DNAH11: variants seen among roughly 807,000 people sequenced by gnomAD.
DNAH11 encodes the protein axonemal beta dynein heavy chain 11.
A neutral mutation model predicts 526.0 loss-of-function variants in DNAH11; 442 were observed. The ratio of observed to expected loss-of-function variants is 0.84; its 90% CI spans 0.78 to 0.91. The LOEUF is 0.91. DNAH11 is among the 40% of genes least tolerant of loss of function. The probability of loss-of-function intolerance (pLI) is 0.00; values close to 1 mark genes in which losing one functional copy is unlikely to be tolerated. For missense variants in DNAH11, 6,989 were observed against 5,448.7 expected (o/e 1.28, Z -8.90); for synonymous variants, 2,461 against 1,935.9 (o/e 1.27, Z -7.12).
chr7:21,724,019 G>A (rs1257993272), intron 44 of DNAH11, among the ~76,000 whole-genome samples: 5 of 152,206 alleles, frequency 3.3e-5, no homozygotes, highest in African/African-American at 1.2e-4. Context: ...CTCTGTGAGA[G>A]GAGAGACTCT....
At position 21,564,318 on chromosome 7, in the gene DNAH11, G is replaced by A; in HGVS notation, c.1115G>A (p.Trp372Ter). ...APLFHTICLI[W>*]SHSKFYNTPA... is the part of the protein sequence containing the mutation. ...TTATTTCATACCATCTGTCTGATCT[G>A]GAGTCATTCCAAGTTTTATAACACC... Residue 372 changes from tryptophan (W) to a stop codon, truncating the protein, a stop_gained, in exon 6 of 82, where the codon TGG becomes TAG. Coordinates refer to ENST00000409508, the MANE Select transcript of DNAH11 (RefSeq NM_001277115.2). LOFTEE classifies it high-confidence loss of function. The A allele has an allele frequency of 6.2e-7, 1 of 1,613,558 alleles. No homozygotes were observed. Among genetic ancestry groups the A allele is most frequent in the Non-Finnish European group, 8.5e-7 (1 of 1,179,724 alleles).
In DNAH11 at chr7:21,679,147, G is replaced by A. The variant is rs530033685; in HGVS notation, c.5329-2399G>A. Among the ~76,000 whole-genome samples, 189 of 151,792 alleles carry A rather than the reference G, an allele frequency of 1.2e-3. 1 individual carries two copies. Among genetic ancestry groups the A allele is most frequent in the Middle Eastern group, 3.4e-3 (1 of 292 alleles). ...ATGTGAAATAAGCTAAACACAGAAA[G>A]ACAAATACTGCATAATCTCACTTAT... On this transcript the variant is annotated intron_variant, in intron 30 of 81. Coordinates refer to ENST00000409508, the MANE Select transcript of DNAH11 (RefSeq NM_001277115.2).
intron 35 of DNAH11, among the ~76,000 whole-genome samples, chr7:21,694,845 G>A (rs56071862): frequency 0.13 from 19,796 of 152,024 alleles, 1,358 homozygotes; most frequent in East Asian, 0.2. Context: ...ATTTCTCCAC[G>A]TTCTCGCCAG....
chr7:21,628,519 A>G (rs200520838), intron 25 of DNAH11, among the ~76,000 whole-genome samples: 1 of 152,220 alleles, frequency 6.6e-6, no homozygotes, highest in South Asian at 2.1e-4. Flanking sequence ...AATTTTATCA[A>G]ATGTCTTTTT....
At chr7:21,847,608 T>C (rs1782465914) in intron 66 of DNAH11, among the ~76,000 whole-genome samples, 1 of 152,216 alleles carries the variant, frequency 6.6e-6, no homozygotes. Context: ...TTGGCAAATG[T>C]TCCATGTGAG....
intron 30 of DNAH11, among the ~76,000 whole-genome samples, chr7:21,662,901 A>G (rs1782290500): frequency 6.6e-6 from 1 of 152,072 alleles, no homozygotes; most frequent in South Asian, 2.1e-4. Context: ...CGTAATGGTG[A>G]ATTCAGTGCT....
chr7:21,790,078 A>G (rs1474192719), intron 61 of DNAH11, among the ~76,000 whole-genome samples: 1 of 151,824 alleles, frequency 6.6e-6, no homozygotes, highest in Non-Finnish European at 1.5e-5. Context: ...TTTCTTAGGT[A>G]GAACTGTGGG....
chr7:21,634,682 G>A (rs959868572), intron 25 of DNAH11, among the ~76,000 whole-genome samples: 1 of 152,076 alleles, frequency 6.6e-6, no homozygotes, highest in Non-Finnish European at 1.5e-5. Flanking sequence ...GCAGGAGGAG[G>A]GTGAGGATCA....
At chr7:21,632,476 C>G (rs912699199) in intron 25 of DNAH11, among the ~76,000 whole-genome samples, 8 of 152,162 alleles carry the variant, frequency 5.3e-5, no homozygotes, top group Non-Finnish European at 1.2e-4. Flanking sequence ...ATTCCTGTAA[C>G]AGCACCCAAG....
chr7:21,674,688 C>G (rs888397771), intron 30 of DNAH11, among the ~76,000 whole-genome samples: 1 of 151,980 alleles, frequency 6.6e-6, no homozygotes, highest in African/African-American at 2.4e-5. Context: ...CTGATTTCAT[C>G]CACTTTTATG....
intron 51 of DNAH11, among the ~76,000 whole-genome samples, chr7:21,748,107 G>A (rs1025168926): frequency 1.3e-5 from 2 of 152,144 alleles, no homozygotes; most frequent in Non-Finnish European, 2.9e-5. Flanking sequence ...TGTTTGATGG[G>A]GAAACAAATG....
intron 5 of DNAH11, among the ~76,000 whole-genome samples, chr7:21,563,256 T>G (rs1783537603): frequency 6.6e-6 from 1 of 152,148 alleles, no homozygotes; most frequent in Non-Finnish European, 1.5e-5. Flanking sequence ...TTGCCCAGGC[T>G]GGAGTGCAGT....
intron 28 of DNAH11, among the ~76,000 whole-genome samples, chr7:21,651,632 T>G (rs1045070015): frequency 2.6e-5 from 4 of 152,266 alleles, no homozygotes; most frequent in African/African-American, 9.6e-5. Flanking sequence ...TTCAGTTTAC[T>G]TACAATTAGA....
rs116337638 is a variant in DNAH11 at position 21,548,743 on chromosome 7, C to G, written c.495+3594C>G. Among the ~76,000 whole-genome samples the G allele has an allele frequency of 2.8e-3, 424 of 152,258 alleles. 3 individuals are homozygous for G. The highest frequency in any genetic ancestry group is 9.7e-3 in the African/African-American group (402 of 41,550). ...ACTCGTGATGTTTAGGAAGTGGATA[C>G]AAGTTGAGAGTTCTCCTATGGGCTT... On this transcript the variant is annotated intron_variant, in intron 2 of 81. Coordinates refer to ENST00000409508, the MANE Select transcript of DNAH11 (RefSeq NM_001277115.2).
In DNAH11 at chr7:21,707,846, C is replaced by A. The variant is rs529267931; in HGVS notation, c.6683+11C>A. 4.2e-5 allele frequency: 67 copies of A among 1,587,634 alleles called. No individual in the cohort carries two copies. Among genetic ancestry groups the A allele is most frequent in the Non-Finnish European group, 5.4e-5 (63 of 1,168,672 alleles). On this transcript the variant is annotated intron_variant, in intron 40 of 81. Coordinates refer to ENST00000409508, the MANE Select transcript of DNAH11 (RefSeq NM_001277115.2). Reference sequence around the variant, plus strand: ...ATGGAAAGATGGCAAGTAGTATTTCCCCTTTAGAAGTGCTCAATTTTTTTT... The same window carrying A: ...ATGGAAAGATGGCAAGTAGTATTTCACCTTTAGAAGTGCTCAATTTTTTTT...
chr7:21,825,313 C>G (rs1790234122), intron 65 of DNAH11, among the ~76,000 whole-genome samples: 1 of 152,186 alleles, frequency 6.6e-6, no homozygotes, highest in Non-Finnish European at 1.5e-5. Context: ...ATGTATACAT[C>G]TACAGGTACA....
intron 48 of DNAH11, among the ~76,000 whole-genome samples, chr7:21,740,625 T>G (rs985245083): frequency 6.7e-4 from 102 of 152,230 alleles, no homozygotes; most frequent in Admixed American, 6.6e-3. Flanking sequence ...ATTCATTCGT[T>G]GATGGACACT....
chr7:21,798,709 C>G (rs1788827115), intron 61 of DNAH11, among the ~76,000 whole-genome samples: 1 of 152,292 alleles, frequency 6.6e-6, no homozygotes, highest in Non-Finnish European at 1.5e-5. Context: ...AGCAAGCATA[C>G]AGCAGAGTTT....
intron 39 of DNAH11, 43 bp from the exon 40 acceptor site, chr7:21,707,656 A>T (rs1336336013): frequency 1.9e-6 from 3 of 1,595,572 alleles, no homozygotes; most frequent in Non-Finnish European, 2.6e-6. Context: ...CATTTGGCTT[A>T]TGTTAGTATT....
Sources: gnomAD v4.1 joint callset for allele counts (sites outside exome capture counted in the v4.1 genomes callset) on GRCh38, gnomAD v4.1.1 for gene constraint, MANE v1.5 for transcripts, NCBI Gene and HGNC (gene_info 2026-07-23, HGNC 2026-07-21) for gene names.